DCLRE1A: variants seen among roughly 807,000 people sequenced by gnomAD.
DCLRE1A encodes DNA cross-link repair 1A.
Under a neutral mutation model 91.9 loss-of-function variants are expected in DCLRE1A, and 64 were observed. That is an observed-to-expected ratio of 0.70 (90% confidence interval 0.57 to 0.86). The LOEUF is 0.86. Among genes scored for constraint, DCLRE1A ranks in the 40% least tolerant of loss-of-function variants. The pLI, the probability that DCLRE1A is intolerant of heterozygous loss-of-function variation, is 0.00. For synonymous variants in DCLRE1A, 416 were observed against 431.1 expected (o/e 0.96, Z 0.43); for missense variants, 1,145 against 1,213.3 (o/e 0.94, Z 0.84).
chr10:113,844,247 G>A lies in DCLRE1A; in HGVS notation c.2379-3C>T. 6.2e-7 allele frequency: 1 copy of A among 1,613,472 alleles called. No individual in the cohort carries two copies. The highest frequency in any genetic ancestry group is 8.5e-7 in the Non-Finnish European group (1 of 1,179,830). ...GGATCATGACAGCACCTGGACAGCTGAACACAAATGTCAAAGGAATGTTCA... is the reference window on the plus strand; with the variant it reads ...GGATCATGACAGCACCTGGACAGCTAAACACAAATGTCAAAGGAATGTTCA... On this transcript the variant is annotated splice_polypyrimidine_tract_variant and splice_region_variant and intron_variant, in intron 4 of 8. Transcript: ENST00000361384.
rs183981972 is a variant in DCLRE1A, at chr10:113,839,250, G to A, written c.2821-2047C>T. ...TGAGGCAGGAGAATAGCATGAACCC[G>A]GGAGGTGGAGGTTGCAGTGAGCCAA... On this transcript the variant is annotated intron_variant, in intron 7 of 8. Transcript: ENST00000361384. 3.3e-5 allele frequency among the ~76,000 whole-genome samples: 5 copies of A among 149,710 alleles called. No homozygotes were observed. In the East Asian group the frequency reaches 9.9e-4, roughly 30 times the overall value.
At chr10:113,837,632 T>C (rs1421318304) in intron 7 of DCLRE1A, among the ~76,000 whole-genome samples, 1 of 152,214 alleles carries the variant, frequency 6.6e-6, no homozygotes, top group African/African-American at 2.4e-5. Context: ...AATAATTTTA[T>C]GTGAATGGCA....
intron 4 of DCLRE1A, 24 bp from the exon 5 acceptor site, chr10:113,844,268 G>A (rs1412687341): frequency 9.9e-6 from 16 of 1,612,750 alleles, no homozygotes; most frequent in Non-Finnish European, 1.3e-5. Flanking sequence ...TCAAAGGAAT[G>A]TTCATAACAC....
intron 2 of DCLRE1A, among the ~76,000 whole-genome samples, 177 bp downstream of exon 2, chr10:113,848,800 CAAA>C (rs544636314): frequency 6.6e-6 from 1 of 151,104 alleles, no homozygotes; most frequent in South Asian, 2.1e-4. Context: ...TTGAATGGAG[CAAA>C]AAAAATCAAA....
intron 7 of DCLRE1A, among the ~76,000 whole-genome samples, chr10:113,839,450 G>A (rs1422975572): frequency 6.6e-6 from 1 of 150,760 alleles, no homozygotes; most frequent in Non-Finnish European, 1.5e-5. Flanking sequence ...CGTTGTGAAT[G>A]TATCATCTAT....
At position 113,844,027 on chromosome 10, in the gene DCLRE1A, A is replaced by G. The variant is rs1593073769; in HGVS notation, c.2519+77T>C. ...TTAAAATAATAATTGGCAATAAGCC[A>G]TCATTTTGATAACCATAATACAGAG... On this transcript the variant is annotated intron_variant, in intron 5 of 8. Coordinates refer to ENST00000361384, the MANE Select transcript of DCLRE1A (RefSeq NM_014881.5). 2.6e-6 allele frequency: 4 copies of G among 1,540,150 alleles called. No homozygotes were observed. The East Asian group carries it at 9.0e-5, about 35-fold the overall frequency.
At chr10:113,837,936 A>T (rs1471138583) in intron 7 of DCLRE1A, among the ~76,000 whole-genome samples, 1 of 152,174 alleles carries the variant, frequency 6.6e-6, no homozygotes, top group Non-Finnish European at 1.5e-5. Flanking sequence ...GGATACAAAA[A>T]AATCTAATAC....
chr10:113,841,689 G>A (rs1845448211), intron 6 of DCLRE1A, 129 bp from the exon 7 acceptor site: 4 of 910,748 alleles, frequency 4.4e-6, no homozygotes, highest in Non-Finnish European at 6.4e-6. Flanking sequence ...CTTTTACCAT[G>A]ATATCTCAAA....
rs1845605915 is a variant in DCLRE1A at position 113,849,610 on chromosome 10, T to C, written c.1495A>G (p.Asn499Asp). Reference protein sequence around the residue: ...LSSENLNAKNNTNSACFCRKA... With the variant: ...LSSENLNAKNDTNSACFCRKA... ...CTGCAGAAACATGCTGAGTTAGTAT[T>C]ATTCTTAGCATTCAAGTTCTCACTT... The change falls in exon 2 of 9, where the codon AAT becomes GAT. Residue 499 changes from asparagine to aspartate, a missense_variant. By Grantham distance (23) the Asn-to-Asp change is conservative (BLOSUM62 1). Coordinates refer to ENST00000361384, the MANE Select transcript of DCLRE1A (RefSeq NM_014881.5). The C allele has an allele frequency of 6.2e-7, 1 of 1,614,112 alleles. No individual in the cohort carries two copies. The highest frequency in any genetic ancestry group is 8.5e-7 in the Non-Finnish European group (1 of 1,180,024).
In DCLRE1A at chr10:113,853,279, GA is replaced by G. The variant is rs10689395; in HGVS notation, c.-98del. On this transcript the variant is annotated 5_prime_UTR_variant, in exon 1 of 9. Transcript: ENST00000361384. ...AAAAGTTATAGAATTATTTTGCTGA[GA>G]AAAAAAACAAAGGTAACAAAACCCC... 9 of 1,220,788 alleles carry G rather than the reference GA, an allele frequency of 7.4e-6. No individual in the cohort carries two copies. The highest frequency in any genetic ancestry group is 5.0e-5 in the South Asian group (3 of 59,528). The allele number at this position is 1,220,788 out of a possible 1,614,324, so 75.6% of individuals were successfully genotyped here.
chr10:113,846,258 T>G (rs17228772), intron 3 of DCLRE1A, among the ~76,000 whole-genome samples: 2,634 of 152,240 alleles, frequency 0.017, 68 homozygotes, highest in African/African-American at 0.058. Context: ...CTCTGCCATT[T>G]TTAGCTCTGT....
chr10:113,840,150 C>T (rs544705721), intron 7 of DCLRE1A, among the ~76,000 whole-genome samples: 19 of 151,956 alleles, frequency 1.3e-4, no homozygotes, highest in Middle Eastern at 3.4e-3. Flanking sequence ...AAAAATTAAC[C>T]GGACATGGTG....
intron 2 of DCLRE1A, among the ~76,000 whole-genome samples, chr10:113,848,185 C>T (rs1190878353): frequency 2.0e-5 from 3 of 151,844 alleles, no homozygotes; most frequent in African/African-American, 4.8e-5. Context: ...GGCGTTGTGG[C>T]GGGTGCCTGT....
In DCLRE1A at chr10:113,849,596, T is replaced by C. The variant is rs773343067; in HGVS notation, c.1509A>G (p.Ala503=). ...NLNAKNNTNS[A]CFCRKALEGV... The stretch of plus-strand genomic sequence containing the variant: ...CCTCTAATGCCTTTCTGCAGAAACA[T>C]GCTGAGTTAGTATTATTCTTAGCAT... Residue 503 remains alanine, a synonymous_variant, in exon 2 of 9, where the codon GCA becomes GCG. Transcript: ENST00000361384. 3.1e-6 allele frequency: 5 copies of C among 1,614,050 alleles called. No individual in the cohort carries two copies. Among genetic ancestry groups the C allele is most frequent in the Admixed American group, 1.7e-5 (1 of 60,020 alleles).
chr10:113,836,514 T>G (rs1845365243), intron 8 of DCLRE1A, among the ~76,000 whole-genome samples: 1 of 152,132 alleles, frequency 6.6e-6, no homozygotes, highest in Non-Finnish European at 1.5e-5. Context: ...TTATCTTCTT[T>G]GTTGAAGATC....
intron 4 of DCLRE1A, among the ~76,000 whole-genome samples, chr10:113,845,271 T>C (rs373051721): frequency 1.3e-5 from 2 of 152,184 alleles, no homozygotes; most frequent in Admixed American, 1.3e-4. Context: ...GAATGATTTC[T>C]TAGTTTAAAG....
Position 113,841,475 on chromosome 10 carries a change from A to G in DCLRE1A, c.2751T>C (p.Asn917=). Residue 917 remains asparagine, a synonymous_variant, in exon 7 of 9, where the codon AAT becomes AAC. Coordinates refer to ENST00000361384, the MANE Select transcript of DCLRE1A (RefSeq NM_014881.5). ...TLQCLNIPEI[N]SLITTDMCSS... is the part of the protein sequence containing the mutation. ...TGCACATGTCGGTAGTGATGAGTGA[A>G]TTAATTTCTGGTATATTGAGGCACT... 6.2e-7 allele frequency: 1 copy of G among 1,613,736 alleles called. No homozygotes were observed. The highest frequency in any genetic ancestry group is 8.5e-7 in the Non-Finnish European group (1 of 1,179,818).
intron 7 of DCLRE1A, among the ~76,000 whole-genome samples, chr10:113,839,440 C>T (rs1431749115): frequency 1.3e-5 from 2 of 149,432 alleles, no homozygotes; most frequent in East Asian, 2.0e-4. Context: ...TGTTTTTTAA[C>T]GTTGTGAATG....
rs139417914 is a variant in DCLRE1A, at chr10:113,835,271, G to A, written c.3004C>T (p.Arg1002Cys). The change falls in exon 9 of 9, where the codon CGC becomes TGC. Residue 1002 changes from arginine to cysteine, a missense_variant. Coordinates refer to ENST00000361384, the MANE Select transcript of DCLRE1A (RefSeq NM_014881.5). Reference protein sequence around the residue: ...SEHSSYLEMKRFVQWLKPQKI... With the variant: ...SEHSSYLEMKCFVQWLKPQKI... The stretch of plus-strand genomic sequence containing the variant: ...TGGGGCTTCAGCCACTGGACAAAGC[G>A]CTTCATTTCTAGGTAGCTGCTGTGT... The A allele has an allele frequency of 9.7e-5, 156 of 1,613,130 alleles. 1 individual carries two copies. The East Asian group carries it at 1.4e-3, about 15-fold the overall frequency.
Sources: gnomAD v4.1 joint callset for allele counts (sites outside exome capture counted in the v4.1 genomes callset) on GRCh38, gnomAD v4.1.1 for gene constraint, MANE v1.5 for transcripts, NCBI Gene and HGNC (gene_info 2026-07-23, HGNC 2026-07-21) for gene names.